The following RSPH1 variants were observed in gnomAD, a reference collection of about 807,000 sequenced individuals.
RSPH1 encodes radial spoke head 1 homolog.
In RSPH1, 32 loss-of-function variants were observed where a neutral mutation model predicts 44.2. The ratio of observed to expected loss-of-function variants is 0.72; its 90% confidence interval spans 0.55 to 0.97. RSPH1 has a LOEUF of 0.97. RSPH1 is among the 50% of genes least tolerant of loss of function. RSPH1 has a pLI of 0.00. For synonymous variants in RSPH1, 134 were observed against 147.3 expected (o/e 0.91, Z 0.65); for missense variants, 391 against 398.7 (o/e 0.98, Z 0.16).
rs527587591 is a variant in RSPH1, at chr21:42,476,419, C to T, written c.728-372G>A. The stretch of plus-strand genomic sequence containing the variant: ...TGCCCGGCCATTCTGGGGGCTGTCC[C>T]GGAGCTTCCCAGTCACATGAGCCAA... On this transcript the variant is annotated intron_variant, in intron 7 of 8. Coordinates refer to ENST00000291536, the MANE Select transcript of RSPH1 (RefSeq NM_080860.4). 7.1e-4 allele frequency among the ~76,000 whole-genome samples: 108 copies of T among 152,246 alleles called. No homozygotes were observed. The East Asian group carries it at 7.3e-3, about 10-fold the overall frequency.
chr21:42,472,763 C>T lies in RSPH1; in HGVS notation c.*55G>A. ...GAACTAGATACACACAGCACTGCAC[C>T]CGGCTAACGACAGAAGCATTCTTAT... On this transcript the variant is annotated 3_prime_UTR_variant, in exon 9 of 9. Coordinates refer to ENST00000291536, the MANE Select transcript of RSPH1 (RefSeq NM_080860.4). The T allele has an allele frequency of 1.4e-6, 2 of 1,389,198 alleles. No homozygotes were observed. Among genetic ancestry groups the T allele is most frequent in the Non-Finnish European group, 2.0e-6 (2 of 981,134 alleles). The allele number at this position is 1,389,198 out of a possible 1,614,324, so 86.1% of individuals were successfully genotyped here.
chr21:42,480,973 G>A (rs1175716622), intron 6 of RSPH1, among the ~76,000 whole-genome samples: 1 of 152,144 alleles, frequency 6.6e-6, no homozygotes, highest in East Asian at 1.9e-4. Context: ...CTTGACGAGG[G>A]ACACAGCAAC....
intron 7 of RSPH1, among the ~76,000 whole-genome samples, chr21:42,476,925 C>T (rs1295970555): frequency 3.3e-5 from 5 of 152,144 alleles, no homozygotes; most frequent in Non-Finnish European, 5.9e-5. Context: ...AACAGGATGT[C>T]CACAACTCCC....
intron 1 of RSPH1, 146 bp from the exon 2 acceptor site, chr21:42,493,225 T>A: frequency 1.4e-6 from 1 of 729,226 alleles, no homozygotes; most frequent in Non-Finnish European, 2.3e-6. Flanking sequence ...TTTCCCACCT[T>A]AAAGTTGAGG....
At chr21:42,484,169 C>A (rs935166951) in intron 5 of RSPH1, among the ~76,000 whole-genome samples, 8 of 152,148 alleles carry the variant, frequency 5.3e-5, no homozygotes, top group African/African-American at 1.9e-4. Flanking sequence ...CACATTAAAA[C>A]AATGAGATGA....
chr21:42,473,707 G>A lies in RSPH1; in HGVS notation c.878-837C>T, dbSNP rs1349824263. Among the ~76,000 whole-genome samples, 4 of 151,996 alleles carry A rather than the reference G, an allele frequency of 2.6e-5. No individual in the cohort carries two copies. The East Asian group carries it at 7.7e-4, about 29-fold the overall frequency. ...CTTGCATTATTTTGATAAATGTTCTGCCGACTAAGCCTATTTTGTATTACT... is the reference window on the plus strand; with the variant it reads ...CTTGCATTATTTTGATAAATGTTCTACCGACTAAGCCTATTTTGTATTACT... On this transcript the variant is annotated intron_variant, in intron 8 of 8. Coordinates refer to ENST00000291536, the MANE Select transcript of RSPH1 (RefSeq NM_080860.4).
At chr21:42,486,597 T>C in intron 3 of RSPH1, 136 bp from the exon 4 acceptor site, 1 of 659,490 alleles carries the variant, frequency 1.5e-6, no homozygotes, top group South Asian at 1.7e-5. Flanking sequence ...ACAGGCCCCT[T>C]CTGCTCAGGA....
chr21:42,483,462 G>T (rs2839534), intron 5 of RSPH1, among the ~76,000 whole-genome samples: 12 of 71,898 alleles, frequency 1.7e-4, no homozygotes, highest in African/African-American at 3.2e-4. Context: ...ATTTTTACAT[G>T]TTTTTTTATA....
At chr21:42,481,964 G>A (rs2054132261) in intron 6 of RSPH1, among the ~76,000 whole-genome samples, 1 of 152,212 alleles carries the variant, frequency 6.6e-6, no homozygotes, top group African/African-American at 2.4e-5. Flanking sequence ...CTGCACAACG[G>A]ACAAGCTAAC....
intron 3 of RSPH1, among the ~76,000 whole-genome samples, chr21:42,488,906 C>T (rs2054207081): frequency 6.6e-6 from 1 of 152,148 alleles, no homozygotes; most frequent in Admixed American, 6.5e-5. Flanking sequence ...TCTTTCTACC[C>T]CAATCCTATA....
intron 8 of RSPH1, among the ~76,000 whole-genome samples, chr21:42,473,888 T>C (rs1006576814): frequency 1.3e-5 from 2 of 152,022 alleles, no homozygotes; most frequent in Admixed American, 6.6e-5. Flanking sequence ...CTCCAGACAT[T>C]GCCAAATGTC....
intron 8 of RSPH1, among the ~76,000 whole-genome samples, chr21:42,473,709 C>T (rs926712436): frequency 1.3e-5 from 2 of 152,034 alleles, no homozygotes; most frequent in African/African-American, 2.4e-5. Context: ...AATGTTCTGC[C>T]GACTAAGCCT....
At chr21:42,478,333 G>A (rs759725251) in intron 6 of RSPH1, among the ~76,000 whole-genome samples, 1 of 152,244 alleles carries the variant, frequency 6.6e-6, no homozygotes, top group Non-Finnish European at 1.5e-5. Context: ...TGGTCTCAGA[G>A]TGTTTGAATA....
chr21:42,485,274 G>A (rs1208708522), intron 5 of RSPH1: 4 of 177,332 alleles, frequency 2.3e-5, no homozygotes, highest in South Asian at 1.2e-4. Flanking sequence ...CAGGGATGTC[G>A]CACCTCCCCT....
At chr21:42,480,640 CAA>C (rs780506820) in intron 6 of RSPH1, among the ~76,000 whole-genome samples, 20 of 38,744 alleles carry the variant, frequency 5.2e-4, no homozygotes, top group African/African-American at 1.8e-3. Context: ...AACTCCATCT[CAA>C]AAAAAAAAAA....
intron 8 of RSPH1, among the ~76,000 whole-genome samples, 181 bp from the exon 9 acceptor site, chr21:42,473,051 C>T (rs2054009185): frequency 6.6e-6 from 1 of 151,776 alleles, no homozygotes; most frequent in South Asian, 2.1e-4. Flanking sequence ...CTTTTGGTAC[C>T]CGACATAAAA....
chr21:42,477,323 T>A lies in RSPH1; in HGVS notation c.695A>T (p.Asp232Val), dbSNP rs748503692. ...TCCTGGAGCGTCTTGGCCAGGTCCA[T>A]CCGTAGAGGTCGGCTTTTTGGGGAG... The part of the protein sequence containing the change: ...PTLPKKPTST[D>V]GPGQDAPGAE... The change falls in exon 7 of 9, where the codon GAT becomes GTT. Residue 232 changes from aspartate (D) to valine (V), a missense_variant. Coordinates refer to ENST00000291536, the MANE Select transcript of RSPH1 (RefSeq NM_080860.4). The A allele has an allele frequency of 3.7e-6, 6 of 1,607,658 alleles. No homozygotes were observed. The highest frequency in any genetic ancestry group is 4.2e-6 in the Non-Finnish European group (5 of 1,176,558).
chr21:42,496,008 C>A, intron 1 of RSPH1, 125 bp downstream of exon 1: 2 of 1,097,742 alleles, frequency 1.8e-6, no homozygotes, highest in South Asian at 2.6e-5. Flanking sequence ...TCGTCCCTGC[C>A]GGGGATCCTG....
rs2054023963 is a variant in RSPH1 at position 42,474,530 on chromosome 21, TC to T, written c.877+1367del. Among the ~76,000 whole-genome samples the T allele has an allele frequency of 6.6e-6, 1 of 152,228 alleles. No homozygotes were observed. The highest frequency in any genetic ancestry group is 2.1e-4 in the South Asian group (1 of 4,832). ...CCAGTGTCTCCCCCTCCAGCTGTGC[TC>T]CACAGTGACTAAGGACTGACATCTG... On this transcript the variant is annotated intron_variant, in intron 8 of 8. Coordinates refer to ENST00000291536, the MANE Select transcript of RSPH1 (RefSeq NM_080860.4). The surrounding 1 kb of genome is among the most constrained non-coding windows in gnomAD (Gnocchi z 5.2).
Sources: gnomAD v4.1 joint callset for allele counts (sites outside exome capture counted in the v4.1 genomes callset) on GRCh38, gnomAD v4.1.1 for gene constraint, Gnocchi (gnomAD v3.1) non-coding constraint, MANE v1.5 for transcripts, NCBI Gene and HGNC (gene_info 2026-07-23, HGNC 2026-07-21) for gene names.